CARMIL1: variants seen among roughly 807,000 people sequenced by gnomAD.
CARMIL1 encodes the protein capping protein regulator and myosin 1 linker 1, also known as F-actin-uncapping protein LRRC16A.
In CARMIL1, 90 loss-of-function variants were observed where a neutral mutation model predicts 177.1. The observed-to-expected ratio is 0.51, with a 90% CI of 0.43 to 0.61. CARMIL1 has a LOEUF of 0.61. CARMIL1 is among the 20% of genes least tolerant of loss of function. The pLI, the probability that CARMIL1 is intolerant of heterozygous loss-of-function variation, is 0.00. For missense variants in CARMIL1, 1,380 were observed against 1,667.0 expected, an observed-to-expected ratio of 0.83 and a Z score of 3.00; for synonymous variants, 577 against 606.2, an observed-to-expected ratio of 0.95 and a Z score of 0.71.
chr6:25,372,955 G>A lies in CARMIL1; in HGVS notation c.139-47159G>A, dbSNP rs563654702. ...TTGTTGAGAATTTTTATCATAAAGG[G>A]ATGCTGGATTTTATCGAATGCTTTT... On this transcript the variant is annotated intron_variant, in intron 2 of 36. Coordinates refer to ENST00000329474, the MANE Select transcript of CARMIL1 (RefSeq NM_017640.6). Among the ~76,000 whole-genome samples the A allele has an allele frequency of 8.0e-4, 122 of 152,234 alleles. No homozygotes were observed. The Middle Eastern group carries it at 0.017, about 21-fold the overall frequency.
chr6:25,605,967 T>TG lies in CARMIL1; in HGVS notation c.3635-92dup, dbSNP rs1260178832. 18 of 783,198 alleles carry TG rather than the reference T, an allele frequency of 2.3e-5. No individual in the cohort carries two copies. In the Admixed American group the frequency reaches 5.1e-4, roughly 22 times the overall value. 48.5% of individuals were successfully genotyped at this position (783,198 alleles called of 1,614,324 possible). A position where few individuals can be genotyped will look rare whatever the true frequency, so the allele number is the denominator to read the frequency against. ...TTAAAACATCCGTGATGAGAAACGA[T>TG]GGCAAATGATTACAGCAGTTTGTAC... On this transcript the variant is annotated intron_variant, in intron 34 of 36. Coordinates refer to ENST00000329474, the MANE Select transcript of CARMIL1 (RefSeq NM_017640.6).
intron 8 of CARMIL1, among the ~76,000 whole-genome samples, chr6:25,463,215 A>C (rs1357033542): frequency 1.3e-5 from 2 of 152,212 alleles, no homozygotes; most frequent in Non-Finnish European, 2.9e-5. Flanking sequence ...TATCCTTATG[A>C]CATTTGGCTA....
intron 8 of CARMIL1, among the ~76,000 whole-genome samples, chr6:25,450,918 TCTCC>T (rs1562154971): frequency 0.054 from 355 of 6,602 alleles, 123 homozygotes; most frequent in Non-Finnish European, 0.084. Flanking sequence ...TTCCTTCTCC[TCTCC>T]TCTCCTCTCC....
intron 2 of CARMIL1, among the ~76,000 whole-genome samples, chr6:25,301,318 G>A (rs373651928): frequency 2.6e-5 from 4 of 151,788 alleles, no homozygotes; most frequent in African/African-American, 9.6e-5. Flanking sequence ...AGAACAATAG[G>A]AGGTGGAATT....
chr6:25,581,219 T>A, intron 30 of CARMIL1, 24 bp from the exon 31 acceptor site: 1 of 1,591,076 alleles, frequency 6.3e-7, no homozygotes, highest in South Asian at 1.1e-5. Context: ...GGCTGTTTTT[T>A]TGTTTTTTTG....
At chr6:25,548,595 A>G (rs534835603) in intron 26 of CARMIL1, among the ~76,000 whole-genome samples, 1 of 152,300 alleles carries the variant, frequency 6.6e-6, no homozygotes, top group South Asian at 2.1e-4. Flanking sequence ...GCAGAGGTCC[A>G]TGGGGGCATG....
rs1262343771 is a variant in CARMIL1 at position 25,359,496 on chromosome 6, AGCAGAGCGTAACTTT to A, written c.139-60616_139-60602del. Among the ~76,000 whole-genome samples the A allele has an allele frequency of 3.9e-5, 6 of 152,262 alleles. No individual in the cohort carries two copies. The East Asian group carries it at 1.2e-3, about 29-fold the overall frequency. On this transcript the variant is annotated intron_variant, in intron 2 of 36. Transcript: ENST00000329474. The stretch of plus-strand genomic sequence containing the variant: ...CTCAAAGATAAATAAGAAGACACTC[AGCAGAGCGTAACTTT>A]GAGGCAGGCACACAACCACTTGGGT...
intron 26 of CARMIL1, among the ~76,000 whole-genome samples, chr6:25,547,070 A>T (rs1193466270): frequency 6.6e-6 from 1 of 152,144 alleles, no homozygotes; most frequent in African/African-American, 2.4e-5. Flanking sequence ...AATATTAATA[A>T]TAATAATAAA....
chr6:25,547,049 C>T (rs949840376), intron 26 of CARMIL1, among the ~76,000 whole-genome samples: 18 of 152,042 alleles, frequency 1.2e-4, no homozygotes, highest in African/African-American at 4.4e-4. Flanking sequence ...CAGAGCGAGA[C>T]TCCATCTCAG....
chr6:25,284,104 A>G (rs929906599), intron 1 of CARMIL1, among the ~76,000 whole-genome samples: 2 of 152,180 alleles, frequency 1.3e-5, no homozygotes, highest in South Asian at 4.1e-4. Context: ...GTATGACACT[A>G]TGGTGAACCC....
chr6:25,336,974 A>G (rs543264039), intron 2 of CARMIL1, among the ~76,000 whole-genome samples: 1 of 152,360 alleles, frequency 6.6e-6, no homozygotes, highest in East Asian at 1.9e-4. Context: ...TAGTTTTGGC[A>G]CAGTTGCCCT....
At chr6:25,373,991 T>C (rs1032233353) in intron 2 of CARMIL1, among the ~76,000 whole-genome samples, 1 of 152,210 alleles carries the variant, frequency 6.6e-6, no homozygotes, top group African/African-American at 2.4e-5. Context: ...GTTTCCTTGA[T>C]GTATTTTTTG....
At chr6:25,319,764 CTT>C (rs10625095) in intron 2 of CARMIL1, among the ~76,000 whole-genome samples, 6,908 of 118,622 alleles carry the variant, frequency 0.058, 222 homozygotes, top group Middle Eastern at 0.15. Context: ...CATTTGGTCA[CTT>C]TTTTTTTTTT....
chr6:25,390,306 ATATATATATATATATTT>A (rs1474676110), intron 2 of CARMIL1, among the ~76,000 whole-genome samples: 26 of 45,110 alleles, frequency 5.8e-4, no homozygotes, highest in African/African-American at 1.4e-3. Context: ...ATATATATAT[ATATATATATATATATTT>A]TTTTTTTTTT....
intron 25 of CARMIL1, 60 bp downstream of exon 25, chr6:25,538,043 A>T: frequency 6.7e-7 from 1 of 1,498,090 alleles, no homozygotes; most frequent in Non-Finnish European, 8.9e-7. Flanking sequence ...CATAAAATTT[A>T]GTTTTAGAAA....
intron 21 of CARMIL1, among the ~76,000 whole-genome samples, chr6:25,516,481 C>G (rs1190581350): frequency 6.6e-6 from 1 of 152,170 alleles, no homozygotes; most frequent in Non-Finnish European, 1.5e-5. Flanking sequence ...CATTGCTCCT[C>G]AAGGGCTCTT....
At chr6:25,561,426 A>G (rs1811102130) in intron 29 of CARMIL1, among the ~76,000 whole-genome samples, 3 of 152,178 alleles carry the variant, frequency 2.0e-5, no homozygotes, top group Admixed American at 6.5e-5. Flanking sequence ...AAATCAAAAG[A>G]TATTCATGCA....
intron 23 of CARMIL1, 27 bp downstream of exon 23, chr6:25,520,364 C>G (rs942983548): frequency 2.7e-5 from 33 of 1,200,664 alleles, no homozygotes; most frequent in Non-Finnish European, 3.9e-5. Flanking sequence ...AGCTTAATTA[C>G]AAGAAATTCA....
chr6:25,351,048 G>C (rs1262499353), intron 2 of CARMIL1, among the ~76,000 whole-genome samples: 1 of 152,158 alleles, frequency 6.6e-6, no homozygotes, highest in Non-Finnish European at 1.5e-5. Context: ...ACATGGAAGA[G>C]ATTATTAAAG....
Sources: gnomAD v4.1 joint callset for allele counts (sites outside exome capture counted in the v4.1 genomes callset) on GRCh38, gnomAD v4.1.1 for gene constraint, MANE v1.5 for transcripts, NCBI Gene and HGNC (gene_info 2026-07-23, HGNC 2026-07-21) for gene names.